The following OSBPL3 variants were observed in gnomAD, a reference collection of about 807,000 sequenced individuals.
OSBPL3 encodes the protein oxysterol-binding protein-related protein 3.
A neutral mutation model predicts 120.1 loss-of-function variants in OSBPL3; 65 were observed. The ratio of observed to expected loss-of-function variants is 0.54; its 90% confidence interval spans 0.44 to 0.67. The LOEUF (loss-of-function observed/expected upper bound fraction) is 0.67, where lower values mean the gene tolerates loss of function less well. Among genes scored for constraint, OSBPL3 ranks in the 30% least tolerant of loss-of-function variants. The pLI is 0.00. For synonymous variants in OSBPL3, 416 were observed against 402.6 expected, an observed-to-expected ratio of 1.03 and a Z score of -0.40; for missense variants, 1,004 against 1,082.1, an observed-to-expected ratio of 0.93 and a Z score of 1.01.
At chr7:24,963,642 T>TA (rs908202081) in intron 1 of OSBPL3, among the ~76,000 whole-genome samples, 4 of 152,016 alleles carry the variant, frequency 2.6e-5, no homozygotes, top group African/African-American at 9.7e-5. Context: ...CATGGAGTGG[T>TA]AAAAAAGGGG....
chr7:24,839,991 C>CAAAAAAAAAAAAAAAAAAAAAAAAAA (rs71675250), intron 14 of OSBPL3, among the ~76,000 whole-genome samples: 1 of 53,268 alleles, frequency 1.9e-5, no homozygotes, highest in Non-Finnish European at 3.3e-5. Context: ...CTCCATCTCA[C>CAAAAAAAAAAAAAAAAAAAAAAAAAA]AAAAAAAAAA....
chr7:24,827,354 A>G lies in OSBPL3; in HGVS notation c.1884+3414T>C, dbSNP rs1457982235. On this transcript the variant is annotated intron_variant, in intron 16 of 22. Transcript: ENST00000313367. This position sits in a 1 kb window ranked among gnomAD's most constrained non-coding sequence, Gnocchi z 5.1. ...ACTCTCTTCAGATGTGTTAAATTAG[A>G]ATAGACAGCATTGGGAGAGGGAAAG... is the stretch of plus-strand genomic sequence containing the variant. Among the ~76,000 whole-genome samples the G allele has an allele frequency of 1.3e-5, 2 of 152,230 alleles. No homozygotes were observed. The highest frequency in any genetic ancestry group is 2.4e-5 in the African/African-American group (1 of 41,464).
Position 24,813,829 on chromosome 7 carries a change from G to A in OSBPL3, c.2172+1230C>T, listed in dbSNP as rs1184856833. ...TTAAGAGCAAGAAGGAATCTAGGAGGGAGAGAAAGCAGGGAGGGCCGCCAG... is the reference window on the plus strand; with the variant it reads ...TTAAGAGCAAGAAGGAATCTAGGAGAGAGAGAAAGCAGGGAGGGCCGCCAG... On this transcript the variant is annotated intron_variant, in intron 19 of 22. Coordinates refer to ENST00000313367, the MANE Select transcript of OSBPL3 (RefSeq NM_015550.4). The surrounding 1 kb of genome is among the most constrained non-coding windows in gnomAD (Gnocchi z 4.5). 6.6e-6 allele frequency among the ~76,000 whole-genome samples: 1 copy of A among 152,210 alleles called. No individual in the cohort carries two copies. Among genetic ancestry groups the A allele is most frequent in the East Asian group, 1.9e-4 (1 of 5,196 alleles).
Position 24,863,406 on chromosome 7 carries a change from A to T in OSBPL3, c.777+90T>A, listed in dbSNP as rs1018732414. ...CCCTTGACTTTGGCTGAAGCAACTG[A>T]CCACAGCATCCCACTGTTAGTGAAA... On this transcript the variant is annotated intron_variant, in intron 8 of 22. Coordinates refer to ENST00000313367, the MANE Select transcript of OSBPL3 (RefSeq NM_015550.4). This position sits in a 1 kb window ranked among gnomAD's most constrained non-coding sequence, Gnocchi z 5.8. The T allele has an allele frequency of 5.1e-6, 7 of 1,365,284 alleles. No individual in the cohort carries two copies. The African/African-American group carries it at 8.6e-5, about 17-fold the overall frequency. The allele number at this position is 1,365,284 out of a possible 1,614,324, so 84.6% of individuals were successfully genotyped here. A position where few individuals can be genotyped will look rare whatever the true frequency, so the allele number is the denominator to read the frequency against.
At chr7:24,807,046 A>T in intron 20 of OSBPL3, 144 bp from the exon 21 acceptor site, 1 of 682,650 alleles carries the variant, frequency 1.5e-6, no homozygotes, top group Non-Finnish European at 2.4e-6. Context: ...TGACTAATGA[A>T]CAGGCACTGA....
At chr7:24,870,925 C>T (rs1802020460) in intron 4 of OSBPL3, 80 bp from the exon 5 acceptor site, 2 of 868,808 alleles carry the variant, frequency 2.3e-6, no homozygotes, top group South Asian at 2.7e-5. Context: ...CCTTCCACAT[C>T]CCCTGATAGT....
chr7:24,874,370 C>CT (rs1802571257), intron 2 of OSBPL3, among the ~76,000 whole-genome samples: 1 of 152,172 alleles, frequency 6.6e-6, no homozygotes, highest in African/African-American at 2.4e-5. Flanking sequence ...CTGCAGAGCA[C>CT]TAATACTAAA....
chr7:24,839,286 T>C (rs1160060584), intron 14 of OSBPL3, among the ~76,000 whole-genome samples: 5 of 152,186 alleles, frequency 3.3e-5, no homozygotes, highest in African/African-American at 7.2e-5. Context: ...CGAGGACCCA[T>C]GCAGAGAACT....
rs1164938690 is a variant in OSBPL3 at position 24,803,508 on chromosome 7, A to T, written c.2567+807T>A. Among the ~76,000 whole-genome samples the T allele has an allele frequency of 6.6e-6, 1 of 152,100 alleles. No individual in the cohort carries two copies. The highest frequency in any genetic ancestry group is 2.4e-5 in the African/African-American group (1 of 41,408). On this transcript the variant is annotated intron_variant, in intron 22 of 22. Transcript: ENST00000313367. This position sits in a 1 kb window ranked among gnomAD's most constrained non-coding sequence, Gnocchi z 4.2. ...AAAAATTTATATCTATTGGCTGGGC[A>T]CGGTGGCTCTTACCTGTACTTTGGG...
chr7:24,846,621 C>G (rs530354988), intron 12 of OSBPL3, among the ~76,000 whole-genome samples: 24 of 152,104 alleles, frequency 1.6e-4, no homozygotes, highest in Non-Finnish European at 3.2e-4. Flanking sequence ...GAACTGATAA[C>G]TTGATAATAT....
intron 5 of OSBPL3, among the ~76,000 whole-genome samples, chr7:24,870,135 G>A (rs974153967): frequency 1.3e-5 from 2 of 152,146 alleles, no homozygotes; most frequent in Admixed American, 6.5e-5. Flanking sequence ...AAGTTCAATG[G>A]CTAGTGAGTA....
intron 16 of OSBPL3, among the ~76,000 whole-genome samples, chr7:24,828,093 C>T (rs560053581): frequency 6.6e-6 from 1 of 151,958 alleles, no homozygotes; most frequent in Non-Finnish European, 1.5e-5. Context: ...GGTGCGATCT[C>T]GGCTCACCGC....
intron 1 of OSBPL3, among the ~76,000 whole-genome samples, chr7:24,907,787 G>A (rs1446864004): frequency 1.3e-5 from 2 of 152,086 alleles, no homozygotes; most frequent in South Asian, 2.1e-4. Context: ...TATTAGTCAC[G>A]TTTCCTGCAC....
rs114341675 is a variant in OSBPL3, at chr7:24,842,631, C to A, written c.1267-218G>T. Among the ~76,000 whole-genome samples the A allele has an allele frequency of 9.1e-3, 1,379 of 152,314 alleles. 16 individuals are homozygous for A. Among genetic ancestry groups the A allele is most frequent in the African/African-American group, 0.031 (1,299 of 41,562 alleles). On this transcript the variant is annotated intron_variant, in intron 12 of 22. Coordinates refer to ENST00000313367, the MANE Select transcript of OSBPL3 (RefSeq NM_015550.4). ...CACTTACAGGCACTATCACTTCTCACACACATGCAACAAATCACAAGGCAA... is the reference window on the plus strand; with the variant it reads ...CACTTACAGGCACTATCACTTCTCAAACACATGCAACAAATCACAAGGCAA...
chr7:24,897,320 CTTTTTT>C (rs35715609), intron 1 of OSBPL3, among the ~76,000 whole-genome samples: 1 of 102,254 alleles, frequency 9.8e-6, no homozygotes. Flanking sequence ...ATGGCAGAAT[CTTTTTT>C]TTTTTTTTTT....
intron 1 of OSBPL3, among the ~76,000 whole-genome samples, chr7:24,978,343 C>T (rs158): frequency 0.85 from 129,725 of 152,302 alleles, 55,659 homozygotes; most frequent in African/African-American, 0.95. Flanking sequence ...TAAATGTTTA[C>T]TGCAAACCTA....
At chr7:24,864,761 T>C (rs978545472) in intron 7 of OSBPL3, among the ~76,000 whole-genome samples, 3 of 152,204 alleles carry the variant, frequency 2.0e-5, no homozygotes, top group Non-Finnish European at 2.9e-5. Context: ...CCTAAGTCAG[T>C]CTTAGCTAAT....
chr7:24,845,575 ATC>A (rs1445758921), intron 12 of OSBPL3, among the ~76,000 whole-genome samples: 1 of 150,434 alleles, frequency 6.6e-6, no homozygotes, highest in Non-Finnish European at 1.5e-5. Flanking sequence ...ATTTAGCATT[ATC>A]TCAGTCTGTC....
rs1169010763 is a variant in OSBPL3, at chr7:24,852,345, T to C, written c.1158+159A>G. 6.6e-6 allele frequency among the ~76,000 whole-genome samples: 1 copy of C among 152,224 alleles called. No homozygotes were observed. The highest frequency in any genetic ancestry group is 1.5e-5 in the Non-Finnish European group (1 of 68,032). On this transcript the variant is annotated intron_variant, in intron 11 of 22. Transcript: ENST00000313367. The surrounding 1 kb of genome is among the most constrained non-coding windows in gnomAD (Gnocchi z 4.1). ...TATTAAGACTTGGATAGGTAAGTTT[T>C]GGTGTTTCAAATAAGCAGATTTGAT...
Sources: gnomAD v4.1 joint callset for allele counts (sites outside exome capture counted in the v4.1 genomes callset) on GRCh38, gnomAD v4.1.1 for gene constraint, Gnocchi (gnomAD v3.1) non-coding constraint, MANE v1.5 for transcripts, NCBI Gene and HGNC (gene_info 2026-07-23, HGNC 2026-07-21) for gene names.